The following TSEN34 variants were observed in gnomAD, a reference collection of about 807,000 sequenced individuals.
The protein encoded by TSEN34 is tRNA splicing endonuclease subunit 34.
In TSEN34, 25 loss-of-function variants were observed where a neutral mutation model predicts 30.2. The ratio of observed to expected loss-of-function variants is 0.83; its 90% CI spans 0.60 to 1.16. The LOEUF (loss-of-function observed/expected upper bound fraction) is 1.16. Ranked by LOEUF, TSEN34 falls within the 50% of genes most tolerant of loss-of-function variation. The pLI is 0.00. For missense variants in TSEN34, 475 were observed against 411.9 expected (o/e 1.15, Z -1.33); for synonymous variants, 209 against 177.4 (o/e 1.18, Z -1.41).
At position 54,191,317 on chromosome 19, in the gene TSEN34, C is replaced by A. The variant is rs1298385148; in HGVS notation, c.-48C>A. 9 of 1,547,378 alleles carry A rather than the reference C, an allele frequency of 5.8e-6. No individual in the cohort carries two copies. In the East Asian group the frequency reaches 2.0e-4, roughly 34 times the overall value. On this transcript the variant is annotated 5_prime_UTR_variant, in exon 1 of 4. Transcript: ENST00000396388. ...TTGGGTGCGCTGCAGCGGTCCGCGG[C>A]GCGCAGCTGTTTCGGTAACTGCTTT...
chr19:54,194,426 T>C lies in TSEN34; in HGVS notation c.*1064T>C, dbSNP rs911468888. On this transcript the variant is annotated 3_prime_UTR_variant, in exon 4 of 4. Transcript: ENST00000396388. ...CAATTTTTATAAAAGCTAAAACACATGTATTTGTAAAAAATTTGCACTTAT... is the reference window on the plus strand; with the variant it reads ...CAATTTTTATAAAAGCTAAAACACACGTATTTGTAAAAAATTTGCACTTAT... 2 of 152,214 alleles carry C rather than the reference T, an allele frequency of 1.3e-5. No individual in the cohort carries two copies. The highest frequency in any genetic ancestry group is 4.8e-5 in the African/African-American group (2 of 41,450). The allele number at this position is 152,214 out of a possible 1,614,324, so 9.4% of individuals were successfully genotyped here.
chr19:54,193,920 C>T lies in TSEN34; in HGVS notation c.*558C>T, dbSNP rs2076800860. On this transcript the variant is annotated 3_prime_UTR_variant, in exon 4 of 4. Transcript: ENST00000396388. ...CAAACGTTATAAATAAAAATATAGG[C>T]TGGGCACGATGACCCACACCTGTAA... is the stretch of plus-strand genomic sequence containing the variant. The T allele has an allele frequency of 1.5e-5, 8 of 539,210 alleles. No homozygotes were observed. The East Asian group carries it at 1.9e-4, about 13-fold the overall frequency. The allele number at this position is 539,210 out of a possible 1,614,324, so 33.4% of individuals were successfully genotyped here.
upstream of TSEN34, chr19:54,190,201 G>A: frequency 3.2e-6 from 2 of 633,886 alleles, no homozygotes; most frequent in East Asian, 3.2e-5. Context: ...GCCCCCGCGG[G>A]AGGAGGGCGG....
chr19:54,192,175 C>T lies in TSEN34; in HGVS notation c.547C>T (p.Leu183Phe). The change falls in exon 3 of 4, where the codon CTC becomes TTC. Residue 183 changes from leucine to phenylalanine, a missense_variant. Transcript: ENST00000396388. ...GGTAGCCCCCTTGCCCAGATCTGCTCTCCTTGTCCAGCTGGCCACTGCCAG... is the reference window on the plus strand; with the variant it reads ...GGTAGCCCCCTTGCCCAGATCTGCTTTCCTTGTCCAGCTGGCCACTGCCAG... Reference protein sequence around the residue: ...NGVAPLPRSALLVQLATARPR... With the variant: ...NGVAPLPRSAFLVQLATARPR... The T allele has an allele frequency of 6.2e-7, 1 of 1,614,224 alleles. No individual in the cohort carries two copies. The highest frequency in any genetic ancestry group is 8.5e-7 in the Non-Finnish European group (1 of 1,180,034).
At chr19:54,191,232 C>T, upstream of TSEN34, 1 of 1,440,824 alleles carries the variant, frequency 6.9e-7, no homozygotes, top group Non-Finnish European at 9.1e-7. Context: ...TGAACGGCGG[C>T]TGAGCGAGGC....
At chr19:54,193,016 A>AAAAAAAG in intron 3 of TSEN34, among the ~76,000 whole-genome samples, 159 bp from the exon 4 acceptor site, 1 of 151,986 alleles carries the variant, frequency 6.6e-6, no homozygotes, top group East Asian at 1.9e-4. Flanking sequence ...AAAAAAAAAA[A>AAAAAAAG]AAAAGCCTAG....
rs1295930062 is a variant in TSEN34, at chr19:54,191,320, G to C, written c.-45G>C. 1.3e-6 allele frequency: 2 copies of C among 1,547,594 alleles called. No individual in the cohort carries two copies. The highest frequency in any genetic ancestry group is 2.7e-5 in the African/African-American group (2 of 72,928). On this transcript the variant is annotated 5_prime_UTR_variant, in exon 1 of 4. Coordinates refer to ENST00000396388, the MANE Select transcript of TSEN34 (RefSeq NM_001077446.4). The stretch of plus-strand genomic sequence containing the variant: ...GGTGCGCTGCAGCGGTCCGCGGCGC[G>C]CAGCTGTTTCGGTAACTGCTTTGCC...
chr19:54,190,929 C>G, upstream of TSEN34: 2 of 1,054,730 alleles, frequency 1.9e-6, no homozygotes, highest in Non-Finnish European at 2.3e-6. Context: ...ACGGGAACAC[C>G]CGAAGGGGGA....
At chr19:54,191,219 T>C (rs2076673558), upstream of TSEN34, 1 of 1,418,612 alleles carries the variant, frequency 7.0e-7, no homozygotes, top group East Asian at 2.8e-5. Flanking sequence ...GCCCAGCAGG[T>C]GGTGAACGGC....
At chr19:54,189,489 C>T (rs890777693), upstream of TSEN34, 1 of 152,570 alleles carries the variant, frequency 6.6e-6, no homozygotes, top group South Asian at 2.0e-4. Flanking sequence ...GGGAAGAAGC[C>T]ACGGTCAGGG....
Position 54,193,622 on chromosome 19 carries a change from G to A in TSEN34, c.*260G>A. On this transcript the variant is annotated 3_prime_UTR_variant, in exon 4 of 4. Transcript: ENST00000396388. ...GGTTTGATTCATCTGTTTTCTACAG[G>A]GTTTAAGTCTCAGGAGGTCTCAATA... 2 of 1,269,420 alleles carry A rather than the reference G, an allele frequency of 1.6e-6. No individual in the cohort carries two copies. The highest frequency in any genetic ancestry group is 1.1e-6 in the Non-Finnish European group (1 of 903,964). The allele number at this position is 1,269,420 out of a possible 1,614,324, so 78.6% of individuals were successfully genotyped here. A position where few individuals can be genotyped will look rare whatever the true frequency, so the allele number is the denominator to read the frequency against.
upstream of TSEN34, chr19:54,190,718 G>A: frequency 8.2e-7 from 1 of 1,224,438 alleles, no homozygotes. Context: ...CGGGGCTGCG[G>A]ATTCGGTGGA....
In TSEN34 at chr19:54,193,619, C is replaced by T. The variant is rs1293647009; in HGVS notation, c.*257C>T. On this transcript the variant is annotated 3_prime_UTR_variant, in exon 4 of 4. Coordinates refer to ENST00000396388, the MANE Select transcript of TSEN34 (RefSeq NM_001077446.4). ...CTGGGTTTGATTCATCTGTTTTCTA[C>T]AGGGTTTAAGTCTCAGGAGGTCTCA... 1.5e-6 allele frequency: 2 copies of T among 1,307,354 alleles called. No individual in the cohort carries two copies. The highest frequency in any genetic ancestry group is 2.0e-5 in the Admixed American group (1 of 50,688). The allele number at this position is 1,307,354 out of a possible 1,614,324, so 81.0% of individuals were successfully genotyped here.
upstream of TSEN34, chr19:54,190,719 A>T (rs2076640082): frequency 9.1e-6 from 11 of 1,214,252 alleles, no homozygotes; most frequent in Non-Finnish European, 1.1e-5. Context: ...GGGGCTGCGG[A>T]TTCGGTGGAG....
upstream of TSEN34, chr19:54,190,450 G>C (rs2076624050): frequency 1.4e-6 from 2 of 1,416,864 alleles, no homozygotes; most frequent in Non-Finnish European, 1.8e-6. Context: ...TCCCAATTGG[G>C]GTGAGCCCGC....
At position 54,194,131 on chromosome 19, in the gene TSEN34, C is replaced by A. The variant is rs2076807176; in HGVS notation, c.*769C>A. ...TGTGATTGCACCACTGCCCTCCAGC[C>A]TGGGAGACAGAGCAAGAACCTGTCT... On this transcript the variant is annotated 3_prime_UTR_variant, in exon 4 of 4. Transcript: ENST00000396388. 8 of 168,254 alleles carry A rather than the reference C, an allele frequency of 4.8e-5. No homozygotes were observed. The South Asian group carries it at 1.1e-3, about 23-fold the overall frequency. The allele number at this position is 168,254 out of a possible 1,614,324, so 10.4% of individuals were successfully genotyped here.
rs1309303432 is a variant in TSEN34 at position 54,193,706 on chromosome 19, T to C, written c.*344T>C. ...TTGCGACAGTCCTGGAACCCGTGGATGGTCTCATCTGCATGTACAGGTGAG... is the reference window on the plus strand; with the variant it reads ...TTGCGACAGTCCTGGAACCCGTGGACGGTCTCATCTGCATGTACAGGTGAG... On this transcript the variant is annotated 3_prime_UTR_variant, in exon 4 of 4. Transcript: ENST00000396388. 2.6e-6 allele frequency: 2 copies of C among 761,816 alleles called. No homozygotes were observed. Among genetic ancestry groups the C allele is most frequent in the East Asian group, 2.7e-5 (1 of 37,538 alleles). 47.2% of individuals were successfully genotyped at this position (761,816 alleles called of 1,614,324 possible). A position where few individuals can be genotyped will look rare whatever the true frequency, so the allele number is the denominator to read the frequency against.
Position 54,193,342 on chromosome 19 carries a change from C to T in TSEN34, c.913C>T (p.Gln305Ter). 1 of 1,614,148 alleles carries T rather than the reference C, an allele frequency of 6.2e-7. No homozygotes were observed. The highest frequency in any genetic ancestry group is 8.5e-7 in the Non-Finnish European group (1 of 1,180,020). The change falls in exon 4 of 4, where the codon CAA (glutamine) becomes TAA (stop). Residue 305 changes from glutamine to a stop codon, truncating the protein, a stop_gained. Transcript: ENST00000396388. LOFTEE classifies it high-confidence loss of function. The part of the protein sequence containing the change: ...PDGKVVYTSL[Q>*]WASLQ The stretch of plus-strand genomic sequence containing the variant: ...TGGTAAGGTGGTCTACACCTCCCTG[C>T]AATGGGCCAGCCTGCAGTGAACTCC...
At position 54,191,373 on chromosome 19, in the gene TSEN34, G is replaced by A; in HGVS notation, c.9G>A (p.Val3=). 6.5e-7 allele frequency: 1 copy of A among 1,550,074 alleles called. No homozygotes were observed. The highest frequency in any genetic ancestry group is 8.7e-7 in the Non-Finnish European group (1 of 1,147,188). Residue 3 remains valine (V), a synonymous_variant, in exon 1 of 4, where the codon GTG becomes GTA. Coordinates refer to ENST00000396388, the MANE Select transcript of TSEN34 (RefSeq NM_001077446.4). ML[V]VEVANGRSLV... ...CCGGCTCCCGCAGGAGGATGCTGGT[G>A]GTGGAGGTGGCGAACGGCCGCTCCC... is the stretch of plus-strand genomic sequence containing the variant.
Sources: allele counts gnomAD v4.1 joint callset (sites outside exome capture counted in the v4.1 genomes callset), GRCh38; gene constraint gnomAD v4.1.1; transcripts MANE v1.5; gene names NCBI Gene and HGNC (gene_info 2026-07-23, HGNC 2026-07-21).